Variants in TRAPPC13 observed in about 807,000 individuals in gnomAD.
TRAPPC13 encodes the protein trafficking protein particle complex subunit 13.
TRAPPC13 carries 39 observed loss-of-function variants against 54.0 expected under a neutral mutation model. The observed-to-expected ratio is 0.72, with a 90% CI of 0.56 to 0.94. TRAPPC13 has a LOEUF of 0.94. Among genes scored for constraint, TRAPPC13 ranks in the 40% least tolerant of loss-of-function variants. The pLI, the probability that TRAPPC13 is intolerant of heterozygous loss-of-function variation, is 0.00. For missense variants in TRAPPC13, 386 were observed against 488.1 expected (o/e 0.79, Z 1.97); for synonymous variants, 148 against 167.7 (o/e 0.88, Z 0.91).
intron 2 of TRAPPC13, 72 bp from the exon 3 acceptor site, chr5:65,635,872 G>T: frequency 1.1e-6 from 1 of 909,558 alleles, no homozygotes; most frequent in Non-Finnish European, 1.6e-6. Context: ...ATCTCTCCCA[G>T]CTATTTCTTT....
intron 1 of TRAPPC13, chr5:65,625,784 A>AT (rs1393659462): frequency 2.6e-5 from 4 of 151,634 alleles, no homozygotes; most frequent in Non-Finnish European, 5.9e-5. Flanking sequence ...TTTCAGCTTT[A>AT]TTTTATTTGT....
chr5:65,634,956 T>C, intron 1 of TRAPPC13: 1 of 911,108 alleles, frequency 1.1e-6, no homozygotes, highest in Non-Finnish European at 1.3e-6. Context: ...TGATATTGTT[T>C]ATGGTGAAAT....
chr5:65,652,742 A>G lies in TRAPPC13; in HGVS notation c.546+197A>G, dbSNP rs764919963. On this transcript the variant is annotated intron_variant, in intron 7 of 12. Coordinates refer to ENST00000399438, the MANE Select transcript of TRAPPC13 (RefSeq NM_024941.4). Reference sequence around the variant, plus strand: ...ATCTTTTTCAGCTTACATGGAATCAATGTGTCTTGATTTTTATTCTCGTTA... The same window carrying G: ...ATCTTTTTCAGCTTACATGGAATCAGTGTGTCTTGATTTTTATTCTCGTTA... The G allele has an allele frequency of 4.3e-5, 27 of 625,886 alleles. No individual in the cohort carries two copies. In the Admixed American group the frequency reaches 5.1e-4, roughly 12 times the overall value. The allele number at this position is 625,886 out of a possible 1,614,324, so 38.8% of individuals were successfully genotyped here.
chr5:65,637,828 T>C (rs1755810011), intron 4 of TRAPPC13, 48 bp downstream of exon 4: 1 of 1,214,208 alleles, frequency 8.2e-7, no homozygotes, highest in Non-Finnish European at 1.2e-6. Context: ...TAACAAAGGT[T>C]TTTTTTTAGG....
Position 65,652,339 on chromosome 5 carries a change from C to CTTTTT in TRAPPC13, c.502-149_502-145dup, listed in dbSNP as rs11354403. On this transcript the variant is annotated intron_variant, in intron 6 of 12. Transcript: ENST00000399438. ...TACATTAGGGATTCTTTTTTCTTTT[C>CTTTTT]TTTTTTTTTTTTTTTTTGGAAGAAT... is the stretch of plus-strand genomic sequence containing the variant. Among the ~76,000 whole-genome samples, 916 of 116,156 alleles carry CTTTTT rather than the reference C, an allele frequency of 7.9e-3. 33 individuals carry two copies. The highest frequency in any genetic ancestry group is 0.027 in the African/African-American group (858 of 31,810). The allele number at this position is 116,156 out of a possible 152,430, so 76.2% of individuals were successfully genotyped here.
intron 1 of TRAPPC13, among the ~76,000 whole-genome samples, chr5:65,626,516 T>G (rs1290318423): frequency 6.6e-6 from 1 of 151,710 alleles, no homozygotes; most frequent in Non-Finnish European, 1.5e-5. Context: ...AGGCGGGTGA[T>G]CACAAGGTCA....
chr5:65,664,410 A>C, intron 12 of TRAPPC13, 26 bp downstream of exon 12: 1 of 1,606,748 alleles, frequency 6.2e-7, no homozygotes, highest in Non-Finnish European at 8.5e-7. Context: ...AAAAATTCCA[A>C]TATTTGGGTG....
intron 4 of TRAPPC13, among the ~76,000 whole-genome samples, chr5:65,645,973 T>G (rs1756191059): frequency 6.6e-6 from 1 of 152,210 alleles, no homozygotes; most frequent in Non-Finnish European, 1.5e-5. Flanking sequence ...CATTCATTAT[T>G]CAACAAATAT....
At chr5:65,644,955 G>A (rs1219695216) in intron 4 of TRAPPC13, among the ~76,000 whole-genome samples, 1 of 151,574 alleles carries the variant, frequency 6.6e-6, no homozygotes, top group Non-Finnish European at 1.5e-5. Flanking sequence ...TCAGCACTTT[G>A]GGAGGCCAAG....
At chr5:65,637,128 T>C (rs1216683855) in intron 3 of TRAPPC13, among the ~76,000 whole-genome samples, 1 of 152,244 alleles carries the variant, frequency 6.6e-6, no homozygotes, top group African/African-American at 2.4e-5. Context: ...CAATGAGTCT[T>C]ATCTCTAGTG....
intron 7 of TRAPPC13, chr5:65,652,870 G>A (rs759027466): frequency 2.0e-4 from 63 of 318,630 alleles, no homozygotes; most frequent in Middle Eastern, 1.1e-3. Context: ...CATGTGGTTC[G>A]GGATTTTACA....
At chr5:65,662,192 C>A in intron 11 of TRAPPC13, 42 bp downstream of exon 11, 1 of 1,374,732 alleles carries the variant, frequency 7.3e-7, no homozygotes, top group Non-Finnish European at 1.0e-6. Context: ...TCTACCTCAC[C>A]TGCCTAGAAG....
Position 65,665,518 on chromosome 5 carries a change from CT to C in TRAPPC13, c.*912del, listed in dbSNP as rs1757008274. On this transcript the variant is annotated 3_prime_UTR_variant, in exon 13 of 13. Transcript: ENST00000399438. Reference sequence around the variant, plus strand: ...ACTGAACACATCAGAATTGGTTTTACTTTTTAGGTTGTTGATTTTTTTTAAT... The same window carrying C: ...ACTGAACACATCAGAATTGGTTTTACTTTTAGGTTGTTGATTTTTTTTAAT... The C allele has an allele frequency of 6.6e-6, 1 of 151,946 alleles. No individual in the cohort carries two copies. Among genetic ancestry groups the C allele is most frequent in the Non-Finnish European group, 1.5e-5 (1 of 67,986 alleles). 9.4% of individuals were successfully genotyped at this position (151,946 alleles called of 1,614,324 possible).
At chr5:65,647,971 A>G (rs1337640103) in intron 5 of TRAPPC13, among the ~76,000 whole-genome samples, 1 of 152,130 alleles carries the variant, frequency 6.6e-6, no homozygotes, top group Non-Finnish European at 1.5e-5. Flanking sequence ...CCAGAATTCA[A>G]ATTTCAGCTT....
chr5:65,625,270 T>G (rs918257934), intron 1 of TRAPPC13, 164 bp downstream of exon 1: 2 of 641,238 alleles, frequency 3.1e-6, no homozygotes, highest in Non-Finnish European at 5.6e-6. Context: ...TGGATGCTTT[T>G]TAGGTTTATG....
At position 65,652,549 on chromosome 5, in the gene TRAPPC13, A is replaced by G; in HGVS notation, c.546+4A>G. 6.3e-7 allele frequency: 1 copy of G among 1,599,044 alleles called. No homozygotes were observed. The highest frequency in any genetic ancestry group is 8.6e-7 in the Non-Finnish European group (1 of 1,166,964). Reference sequence around the variant, plus strand: ...AACCAAATTTTACAATGCAGAGGTAAGTGTTGAGTGTTTAATGGGATTTCA... The same window carrying G: ...AACCAAATTTTACAATGCAGAGGTAGGTGTTGAGTGTTTAATGGGATTTCA... On this transcript the variant is annotated splice_donor_region_variant and intron_variant, in intron 7 of 12. Transcript: ENST00000399438.
intron 4 of TRAPPC13, among the ~76,000 whole-genome samples, chr5:65,639,353 A>T (rs1032574612): frequency 4.0e-4 from 60 of 151,564 alleles, no homozygotes; most frequent in African/African-American, 1.2e-3. Context: ...ATGGACAAAA[A>T]AATTAATTAA....
At chr5:65,664,115 C>T in intron 11 of TRAPPC13, 122 bp from the exon 12 acceptor site, 2 of 1,034,678 alleles carry the variant, frequency 1.9e-6, no homozygotes, top group Admixed American at 2.5e-5. Flanking sequence ...TAGCTTTTCT[C>T]TTTCTGGTTT....
At chr5:65,652,646 C>T (rs776967299) in intron 7 of TRAPPC13, 101 bp downstream of exon 7, 15 of 848,494 alleles carry the variant, frequency 1.8e-5, no homozygotes, top group Non-Finnish European at 2.9e-5. Flanking sequence ...AAATCGCCAA[C>T]GTGACTGTAA....
Sources: allele counts gnomAD v4.1 joint callset (sites outside exome capture counted in the v4.1 genomes callset), GRCh38; gene constraint gnomAD v4.1.1; transcripts MANE v1.5; gene names NCBI Gene and HGNC (gene_info 2026-07-23, HGNC 2026-07-21).